The following MLXIPL variants were observed in gnomAD, a reference collection of about 807,000 sequenced individuals.
The protein encoded by MLXIPL is carbohydrate-responsive element-binding protein.
In MLXIPL, 49 loss-of-function variants were observed where a neutral mutation model predicts 81.5. That is an observed-to-expected ratio of 0.60 (90% CI 0.48 to 0.76). MLXIPL has a LOEUF of 0.76. MLXIPL is among the 30% of genes least tolerant of loss of function. The pLI, the probability that MLXIPL is intolerant of heterozygous loss-of-function variation, is 0.00. For synonymous variants in MLXIPL, 466 were observed against 485.5 expected, an observed-to-expected ratio of 0.96 and a Z score of 0.53; for missense variants, 1,053 against 1,167.0, an observed-to-expected ratio of 0.90 and a Z score of 1.42.
At chr7:73,601,474 A>T (rs1009740411) in intron 7 of MLXIPL, among the ~76,000 whole-genome samples, 4 of 151,922 alleles carry the variant, frequency 2.6e-5, no homozygotes, top group Non-Finnish European at 5.9e-5. Context: ...CCTTTCCCTG[A>T]TCTGCTGGTA....
In MLXIPL at chr7:73,597,296, C is replaced by CG. The variant is rs1563478600; in HGVS notation, c.1488dup (p.Ala497ArgfsTer5). 2.0e-6 allele frequency: 3 copies of CG among 1,472,390 alleles called. No individual in the cohort carries two copies. The highest frequency in any genetic ancestry group is 1.3e-5 in the South Asian group (1 of 78,086). 91.2% of individuals were successfully genotyped at this position (1,472,390 alleles called of 1,614,324 possible). ...GCTTTCTGTCCCCTAGGGGATGGGG[C>CG]GGGGGGCTTGCCTCTGGGCATGGAG... On this transcript the variant is annotated frameshift_variant, in exon 9 of 17. Coordinates refer to ENST00000313375, the MANE Select transcript of MLXIPL (RefSeq NM_032951.3). LOFTEE classifies it high-confidence loss of function.
Position 73,593,699 on chromosome 7 carries a change from C to T in MLXIPL, c.*166G>A. 3 of 666,938 alleles carry T rather than the reference C, an allele frequency of 4.5e-6. No individual in the cohort carries two copies. In the Admixed American group the frequency reaches 6.6e-5, roughly 15 times the overall value. 41.3% of individuals were successfully genotyped at this position (666,938 alleles called of 1,614,324 possible). The stretch of plus-strand genomic sequence containing the variant: ...GGACGGGGACTCTGCTCTTCTTGAC[C>T]TCCAGGAGGTGGCAAGTGTGAAACC... On this transcript the variant is annotated 3_prime_UTR_variant, in exon 17 of 17. Coordinates refer to ENST00000313375, the MANE Select transcript of MLXIPL (RefSeq NM_032951.3).
intron 2 of MLXIPL, chr7:73,609,551 G>A (rs12531645): frequency 0.27 from 41,120 of 150,096 alleles, 5,896 homozygotes; most frequent in African/African-American, 0.34. Flanking sequence ...GGCCCTGGCC[G>A]CTTTGTGTGT....
At chr7:73,607,251 C>T in intron 4 of MLXIPL, 80 bp downstream of exon 4, 1 of 1,431,644 alleles carries the variant, frequency 7.0e-7, no homozygotes, top group South Asian at 1.2e-5. Flanking sequence ...GATCCCCTTT[C>T]CAGGGATCTT....
rs782685300 is a variant in MLXIPL at position 73,596,317 on chromosome 7, G to A, written c.1939-45C>T. 3.1e-6 allele frequency: 5 copies of A among 1,613,144 alleles called. No individual in the cohort carries two copies. Among genetic ancestry groups the A allele is most frequent in the Admixed American group, 1.7e-5 (1 of 59,950 alleles). Reference sequence around the variant, plus strand: ...GGTGAGCCTAGGAAGGAGCCCAGGAGGGCCTGGGGGTAGCAAACCGATCTT... The same window carrying A: ...GGTGAGCCTAGGAAGGAGCCCAGGAAGGCCTGGGGGTAGCAAACCGATCTT... On this transcript the variant is annotated intron_variant, in intron 12 of 16. Transcript: ENST00000313375. This position sits in a 1 kb window ranked among gnomAD's most constrained non-coding sequence, Gnocchi z 4.7.
At position 73,617,319 on chromosome 7, in the gene MLXIPL, G is replaced by A. The variant is rs552751081; in HGVS notation, c.294-1142C>T. ...CAGATGTGAGCCACCATGCCCAGCC[G>A]AGGGTGCCTCTTTATAGAGAGTGGC... On this transcript the variant is annotated intron_variant, in intron 1 of 16. Transcript: ENST00000313375. Among the ~76,000 whole-genome samples, 114 of 151,568 alleles carry A rather than the reference G, an allele frequency of 7.5e-4. No homozygotes were observed. The South Asian group carries it at 0.013, about 17-fold the overall frequency.
chr7:73,614,057 A>G (rs1425638499), intron 2 of MLXIPL, among the ~76,000 whole-genome samples: 2 of 152,128 alleles, frequency 1.3e-5, no homozygotes, highest in Admixed American at 1.3e-4. Flanking sequence ...GAAGTAAACA[A>G]ACAACACGAG....
chr7:73,601,018 A>G (rs1794774135), intron 7 of MLXIPL, among the ~76,000 whole-genome samples: 1 of 150,546 alleles, frequency 6.6e-6, no homozygotes, highest in Non-Finnish European at 1.5e-5. Flanking sequence ...CACCGTGACA[A>G]CTCCCCACAG....
chr7:73,606,428 CTTTTTTTTTTTTT>C (rs539124816), intron 5 of MLXIPL: 5 of 302,462 alleles, frequency 1.7e-5, no homozygotes, highest in Non-Finnish European at 3.0e-5. Context: ...TTTTCTTTTT[CTTTTTTTTTTTTT>C]TGGAGACGGA....
chr7:73,640,635 G>T, the MLXIPL span, among the ~76,000 whole-genome samples: 1 of 151,716 alleles, frequency 6.6e-6, no homozygotes, highest in Non-Finnish European at 1.5e-5. Flanking sequence ...AAATTAGCTG[G>T]GCATGGTGGT....
In MLXIPL at chr7:73,623,201, C is replaced by A. The variant is rs559877303; in HGVS notation, c.293+999G>T. Among the ~76,000 whole-genome samples, 1 of 152,348 alleles carries A rather than the reference C, an allele frequency of 6.6e-6. No homozygotes were observed. The stretch of plus-strand genomic sequence containing the variant: ...CCCCACCCCAGCTCCTGCTCCCCCG[C>A]AGGGCGGCAGGTGCCGATCTGTAGC... On this transcript the variant is annotated intron_variant, in intron 1 of 16. Transcript: ENST00000313375. This position sits in a 1 kb window ranked among gnomAD's most constrained non-coding sequence, Gnocchi z 5.7.
intron 4 of MLXIPL, 141 bp from the exon 5 acceptor site, chr7:73,607,159 C>T (rs1554598443): frequency 7.7e-7 from 1 of 1,290,670 alleles, no homozygotes; most frequent in Non-Finnish European, 1.1e-6. Context: ...AAGGAGGCCG[C>T]TAGGAGACGC....
At chr7:73,598,508 TCCA>T (rs1217547509) in intron 8 of MLXIPL, among the ~76,000 whole-genome samples, 1 of 152,052 alleles carries the variant, frequency 6.6e-6, no homozygotes, top group Non-Finnish European at 1.5e-5. Flanking sequence ...TACCCATATA[TCCA>T]CCAACCCACG....
At chr7:73,597,836 T>G in intron 8 of MLXIPL, 123 bp from the exon 9 acceptor site, 1 of 580,174 alleles carries the variant, frequency 1.7e-6, no homozygotes, top group Non-Finnish European at 2.6e-6. Flanking sequence ...TGGGGAGAGA[T>G]AGGAGAAATG....
the MLXIPL span, among the ~76,000 whole-genome samples, chr7:73,639,669 A>T: frequency 9.2e-5 from 14 of 152,162 alleles, no homozygotes; most frequent in Non-Finnish European, 1.8e-4. Flanking sequence ...AAGTGAATTA[A>T]TACCTGCAAA....
At chr7:73,636,668 G>A in the MLXIPL span, among the ~76,000 whole-genome samples, 1 of 152,170 alleles carries the variant, frequency 6.6e-6, no homozygotes, top group African/African-American at 2.4e-5. Flanking sequence ...ATTTCTCAGA[G>A]AGTAGCCCAT....
the MLXIPL span, among the ~76,000 whole-genome samples, chr7:73,633,466 G>A: frequency 2.0e-5 from 3 of 151,566 alleles, no homozygotes; most frequent in Non-Finnish European, 4.4e-5. Context: ...CCGCCATGGT[G>A]TGTGCCAACG....
At chr7:73,615,020 C>T (rs978273865) in intron 2 of MLXIPL, among the ~76,000 whole-genome samples, 9 of 152,112 alleles carry the variant, frequency 5.9e-5, no homozygotes, top group Non-Finnish European at 1.2e-4. Flanking sequence ...CTGCGTTAGG[C>T]AGGATGGTCT....
At chr7:73,600,966 G>A (rs941944641) in intron 7 of MLXIPL, among the ~76,000 whole-genome samples, 5 of 150,790 alleles carry the variant, frequency 3.3e-5, no homozygotes, top group East Asian at 4.0e-4. Context: ...CCTGTGATCC[G>A]TGCCAGCTCC....
Sources: gnomAD v4.1 joint callset for allele counts (sites outside exome capture counted in the v4.1 genomes callset) on GRCh38, gnomAD v4.1.1 for gene constraint, Gnocchi (gnomAD v3.1) non-coding constraint, MANE v1.5 for transcripts, NCBI Gene and HGNC (gene_info 2026-07-23, HGNC 2026-07-21) for gene names.